Variants in GPC6 observed in about 807,000 individuals in gnomAD.
GPC6 encodes the protein glypican 6.
In GPC6, 14 loss-of-function variants were observed where a neutral mutation model predicts 55.2. That is an observed-to-expected ratio of 0.25 (90% confidence interval 0.17 to 0.40). The LOEUF (loss-of-function observed/expected upper bound fraction) is 0.40. GPC6 is among the 10% of genes least tolerant of loss of function. The pLI is 1.00. For missense variants in GPC6, 641 were observed against 708.5 expected, an observed-to-expected ratio of 0.90 and a Z score of 1.08; for synonymous variants, 278 against 259.6, an observed-to-expected ratio of 1.07 and a Z score of -0.68.
chr13:94,112,041 A>G (rs1337991080), intron 4 of GPC6, among the ~76,000 whole-genome samples: 1 of 152,162 alleles, frequency 6.6e-6, no homozygotes, highest in Non-Finnish European at 1.5e-5. Context: ...AAAAGTAAAC[A>G]TCGTAAAGAA....
chr13:93,373,701 GTA>G (rs1175869999), intron 1 of GPC6, among the ~76,000 whole-genome samples: 1 of 152,102 alleles, frequency 6.6e-6, no homozygotes, highest in Admixed American at 6.6e-5. Flanking sequence ...TCAAAAGATA[GTA>G]TTAACTAAAC....
intron 6 of GPC6, among the ~76,000 whole-genome samples, chr13:94,338,195 G>A (rs1877820762): frequency 6.6e-6 from 1 of 152,050 alleles, no homozygotes; most frequent in African/African-American, 2.4e-5. Flanking sequence ...CCTCTTCCAG[G>A]GATTACTAAT....
chr13:94,046,869 C>G lies in GPC6; in HGVS notation c.877+18975C>G, dbSNP rs1440626728. 2.6e-5 allele frequency among the ~76,000 whole-genome samples: 4 copies of G among 152,194 alleles called. No homozygotes were observed. In the East Asian group the frequency reaches 5.8e-4, roughly 22 times the overall value. On this transcript the variant is annotated intron_variant, in intron 4 of 8. Transcript: ENST00000377047. ...TACCTGCCTTTCTTAGTTGTTAGGA[C>G]TAGAAGTAGTGTGTGTAAAATGTAC...
intron 3 of GPC6, among the ~76,000 whole-genome samples, chr13:94,017,294 A>C (rs894557830): frequency 1.3e-5 from 2 of 152,190 alleles, no homozygotes; most frequent in African/African-American, 4.8e-5. Flanking sequence ...ACACTGTATT[A>C]GTCCATTTTT....
intron 6 of GPC6, among the ~76,000 whole-genome samples, chr13:94,357,709 T>C (rs1008459327): frequency 6.6e-6 from 1 of 152,212 alleles, no homozygotes; most frequent in Non-Finnish European, 1.5e-5. Context: ...GTAAGTGCCC[T>C]TACCTTTTCC....
chr13:94,374,442 C>T (rs1403236554), intron 6 of GPC6, among the ~76,000 whole-genome samples: 1 of 147,976 alleles, frequency 6.8e-6, no homozygotes, highest in East Asian at 2.0e-4. Context: ...AGACTTTAAA[C>T]CAACAAAGAT....
At chr13:94,097,864 G>A (rs1885722468) in intron 4 of GPC6, among the ~76,000 whole-genome samples, 1 of 152,092 alleles carries the variant, frequency 6.6e-6, no homozygotes, top group Admixed American at 6.5e-5. Flanking sequence ...AAGTGTCACA[G>A]ACCTATTGAC....
rs181459848 is a variant in GPC6, at chr13:94,296,848, G to A, written c.1009-9132G>A. On this transcript the variant is annotated intron_variant, in intron 5 of 8. Coordinates refer to ENST00000377047, the MANE Select transcript of GPC6 (RefSeq NM_005708.5). ...ACGACTGACACAATTAACCTTAAGA[G>A]CATAGATAACAGTAAAATAATTAGA... 3.0e-3 allele frequency among the ~76,000 whole-genome samples: 455 copies of A among 152,082 alleles called. 5 individuals are homozygous for A. The highest frequency in any genetic ancestry group is 0.01 in the African/African-American group (432 of 41,500).
chr13:93,672,970 C>G (rs1401283890), intron 2 of GPC6, among the ~76,000 whole-genome samples: 1 of 151,984 alleles, frequency 6.6e-6, no homozygotes, highest in East Asian at 1.9e-4. Flanking sequence ...ATAGATCTTT[C>G]TACTATTAAT....
At chr13:93,445,372 C>G (rs1425638496) in intron 1 of GPC6, among the ~76,000 whole-genome samples, 1 of 152,128 alleles carries the variant, frequency 6.6e-6, no homozygotes, top group Admixed American at 6.5e-5. Context: ...AGTCAGGGCT[C>G]TTAAGCATCA....
chr13:94,273,509 G>T (rs1472431202), intron 4 of GPC6, among the ~76,000 whole-genome samples: 1 of 152,044 alleles, frequency 6.6e-6, no homozygotes, highest in African/African-American at 2.4e-5. Flanking sequence ...TCTGAGATAG[G>T]ACAAAAAATG....
chr13:93,787,779 T>C (rs966896926), intron 2 of GPC6, among the ~76,000 whole-genome samples: 1 of 151,566 alleles, frequency 6.6e-6, no homozygotes, highest in South Asian at 2.1e-4. Flanking sequence ...ATCTTATTTC[T>C]TCTAAATGTA....
Position 93,830,559 on chromosome 13 carries a change from T to C in GPC6, c.711+14T>C. ...CGAGTTTCCAAGGTAATTGAAAACG[T>C]GCTTTCTTTCTCATTGGTGTTCCTT... On this transcript the variant is annotated intron_variant, in intron 3 of 8. Coordinates refer to ENST00000377047, the MANE Select transcript of GPC6 (RefSeq NM_005708.5). 2 of 1,599,242 alleles carry C rather than the reference T, an allele frequency of 1.3e-6. No homozygotes were observed. Among genetic ancestry groups the C allele is most frequent in the Non-Finnish European group, 1.7e-6 (2 of 1,170,806 alleles).
chr13:93,727,163 G>A (rs770803093), intron 2 of GPC6, among the ~76,000 whole-genome samples: 4 of 152,026 alleles, frequency 2.6e-5, no homozygotes, highest in Admixed American at 6.6e-5. Flanking sequence ...CACCTAAGTC[G>A]ATTACTGTAA....
At chr13:94,279,506 G>A (rs1473143290) in intron 4 of GPC6, among the ~76,000 whole-genome samples, 1 of 151,998 alleles carries the variant, frequency 6.6e-6, no homozygotes, top group Non-Finnish European at 1.5e-5. Flanking sequence ...GTTTGCTCTT[G>A]CTTCTCTAGT....
intron 3 of GPC6, among the ~76,000 whole-genome samples, chr13:93,862,411 A>T (rs914211146): frequency 7.3e-5 from 11 of 151,344 alleles, no homozygotes; most frequent in Admixed American, 3.3e-4. Flanking sequence ...GGGGGGTTAC[A>T]TCGGGGGCTA....
intron 1 of GPC6, among the ~76,000 whole-genome samples, chr13:93,446,697 C>A (rs1463345943): frequency 6.6e-6 from 1 of 152,124 alleles, no homozygotes; most frequent in East Asian, 1.9e-4. Flanking sequence ...ATTGAGGTAA[C>A]AATGTGACTG....
intron 4 of GPC6, among the ~76,000 whole-genome samples, chr13:94,141,771 A>G (rs1316328603): frequency 6.6e-6 from 1 of 152,234 alleles, no homozygotes; most frequent in Admixed American, 6.5e-5. Context: ...TCTGTTCACT[A>G]AGACTCAGTT....
At position 93,880,267 on chromosome 13, in the gene GPC6, T is replaced by C. The variant is rs570133483; in HGVS notation, c.711+49722T>C. Among the ~76,000 whole-genome samples the C allele has an allele frequency of 9.2e-5, 14 of 151,866 alleles. No individual in the cohort carries two copies. In the East Asian group the frequency reaches 2.5e-3, roughly 27 times the overall value. On this transcript the variant is annotated intron_variant, in intron 3 of 8. Coordinates refer to ENST00000377047, the MANE Select transcript of GPC6 (RefSeq NM_005708.5). ...GCTGCTATAAAGACACATGCACACG[T>C]ATGTTTATTGCGGCATTATTCACAA...
Sources: allele counts gnomAD v4.1 joint callset (sites outside exome capture counted in the v4.1 genomes callset), GRCh38; gene constraint gnomAD v4.1.1; transcripts MANE v1.5; gene names NCBI Gene and HGNC (gene_info 2026-07-23, HGNC 2026-07-21).